Variants in C5orf24 observed in about 807,000 individuals in gnomAD.
C5orf24 encodes chromosome 5 open reading frame 24, also known as UPF0461 protein C5orf24.
A neutral mutation model predicts 9.8 loss-of-function variants in C5orf24; 4 were observed. That is an observed-to-expected ratio of 0.41 (90% CI 0.20 to 0.93). The LOEUF is 0.93. Ranked by LOEUF, C5orf24 falls within the 40% of genes least tolerant of loss-of-function variation. The pLI, the probability that C5orf24 is intolerant of heterozygous loss-of-function variation, is 0.33. For missense variants in C5orf24, 170 were observed against 236.9 expected, an observed-to-expected ratio of 0.72 and a Z score of 1.85; for synonymous variants, 73 against 81.3, an observed-to-expected ratio of 0.90 and a Z score of 0.55.
chr5:134,850,003 C>T (rs1431891746), intron 1 of C5orf24, among the ~76,000 whole-genome samples: 3 of 152,038 alleles, frequency 2.0e-5, no homozygotes, highest in Non-Finnish European at 4.4e-5. Context: ...TAGCTTTACT[C>T]TTGTCAATTT....
intron 1 of C5orf24, among the ~76,000 whole-genome samples, chr5:134,847,479 A>G (rs1756027608): frequency 6.6e-6 from 1 of 152,044 alleles, no homozygotes; most frequent in African/African-American, 2.4e-5. Context: ...TATTTTTAGT[A>G]AAGATGGTGT....
the C5orf24 span, among the ~76,000 whole-genome samples, chr5:134,838,995 G>A: frequency 6.6e-6 from 1 of 151,990 alleles, no homozygotes; most frequent in Non-Finnish European, 1.5e-5. Flanking sequence ...GATCACTTGA[G>A]CCCAGGACTT....
chr5:134,856,012 A>G lies in C5orf24; in HGVS notation c.*545A>G, dbSNP rs1580846289. ...TCAAATGTTAAAAAACTTATTTTTA[A>G]TGTTTTAGGTTTAAGCAGCTTGTAA... On this transcript the variant is annotated 3_prime_UTR_variant, in exon 2 of 2. Coordinates refer to ENST00000394976, the MANE Select transcript of C5orf24 (RefSeq NM_001135586.1). 1 of 1,002,990 alleles carries G rather than the reference A, an allele frequency of 1.0e-6. No homozygotes were observed. The highest frequency in any genetic ancestry group is 1.2e-6 in the Non-Finnish European group (1 of 832,126). The allele number at this position is 1,002,990 out of a possible 1,614,324, so 62.1% of individuals were successfully genotyped here. A position where few individuals can be genotyped will look rare whatever the true frequency, so the allele number is the denominator to read the frequency against.
chr5:134,836,234 G>C, the C5orf24 span, among the ~76,000 whole-genome samples: 1 of 146,588 alleles, frequency 6.8e-6, no homozygotes, highest in Non-Finnish European at 1.5e-5. Context: ...GTGTGCAATG[G>C]CGTGATCTCA....
chr5:134,850,056 T>C (rs975178108), intron 1 of C5orf24, among the ~76,000 whole-genome samples: 8 of 152,204 alleles, frequency 5.3e-5, no homozygotes, highest in African/African-American at 1.9e-4. Flanking sequence ...CCTCAATAAA[T>C]GTGAGTTATG....
intron 1 of C5orf24, among the ~76,000 whole-genome samples, chr5:134,854,546 TA>T (rs1756256626): frequency 6.6e-6 from 1 of 152,248 alleles, no homozygotes; most frequent in Admixed American, 6.5e-5. Flanking sequence ...TTGGCTTTAC[TA>T]TTATTCTTTT....
At position 134,857,224 on chromosome 5, in the gene C5orf24, T is replaced by C. The variant is rs1756338808; in HGVS notation, c.*1757T>C. The C allele has an allele frequency of 7.6e-7, 1 of 1,309,712 alleles. No individual in the cohort carries two copies. Among genetic ancestry groups the C allele is most frequent in the Non-Finnish European group, 9.8e-7 (1 of 1,019,708 alleles). The allele number at this position is 1,309,712 out of a possible 1,614,324, so 81.1% of individuals were successfully genotyped here. A position where few individuals can be genotyped will look rare whatever the true frequency, so the allele number is the denominator to read the frequency against. On this transcript the variant is annotated 3_prime_UTR_variant, in exon 2 of 2. Transcript: ENST00000394976. ...ATTTTAAATGCCTTTGAGATTAAAATGTAGAATTGCAGGACCCAAAAACTT... is the reference window on the plus strand; with the variant it reads ...ATTTTAAATGCCTTTGAGATTAAAACGTAGAATTGCAGGACCCAAAAACTT...
At chr5:134,849,702 G>T (rs1244525169) in intron 1 of C5orf24, among the ~76,000 whole-genome samples, 1 of 120,776 alleles carries the variant, frequency 8.3e-6, no homozygotes, top group Non-Finnish European at 1.6e-5. Context: ...CTGTTGCCCA[G>T]CCTGGAGTGC....
chr5:134,847,270 C>G (rs777464018), intron 1 of C5orf24, among the ~76,000 whole-genome samples: 16 of 152,158 alleles, frequency 1.1e-4, no homozygotes, highest in Non-Finnish European at 1.6e-4. Flanking sequence ...CCTGTACATT[C>G]AGGGAACTAT....
At chr5:134,846,474 A>T (rs1303750309) in intron 1 of C5orf24, 2 of 152,202 alleles carry the variant, frequency 1.3e-5, no homozygotes, top group Non-Finnish European at 2.9e-5. Context: ...TTCGCCTTTA[A>T]ATAAAAGCCT....
At chr5:134,845,080 G>T (rs971279318), upstream of C5orf24, among the ~76,000 whole-genome samples, 2 of 152,162 alleles carry the variant, frequency 1.3e-5, no homozygotes, top group Non-Finnish European at 2.9e-5. Flanking sequence ...CTGTTCACAT[G>T]GCTTATCTGT....
chr5:134,849,785 G>C (rs1323110522), intron 1 of C5orf24, among the ~76,000 whole-genome samples: 1 of 150,552 alleles, frequency 6.6e-6, no homozygotes, highest in Non-Finnish European at 1.5e-5. Flanking sequence ...AGCCTTCCGA[G>C]TAGCTGGGAT....
intron 1 of C5orf24, among the ~76,000 whole-genome samples, chr5:134,850,918 T>C (rs1235729885): frequency 7.1e-6 from 1 of 140,570 alleles, no homozygotes; most frequent in Non-Finnish European, 1.5e-5. Context: ...TTATGAATGT[T>C]CATATATATA....
chr5:134,843,691 G>A (rs1436395598), upstream of C5orf24, among the ~76,000 whole-genome samples: 1 of 152,128 alleles, frequency 6.6e-6, no homozygotes, highest in Admixed American at 6.6e-5. Flanking sequence ...CGAGTAACTG[G>A]GATTTAGCGA....
intron 1 of C5orf24, among the ~76,000 whole-genome samples, chr5:134,850,188 G>C (rs552270011): frequency 6.6e-6 from 1 of 151,968 alleles, no homozygotes; most frequent in Non-Finnish European, 1.5e-5. Context: ...TGCTCTTGTT[G>C]CCCAGGCTGG....
At chr5:134,839,167 A>G in the C5orf24 span, among the ~76,000 whole-genome samples, 4 of 151,162 alleles carry the variant, frequency 2.6e-5, no homozygotes, top group African/African-American at 9.7e-5. Context: ...ACACCACTGC[A>G]TTCCAGCCTG....
intron 1 of C5orf24, among the ~76,000 whole-genome samples, chr5:134,848,986 G>T (rs967385058): frequency 2.7e-5 from 4 of 150,750 alleles, no homozygotes; most frequent in African/African-American, 9.8e-5. Flanking sequence ...GGCTGGGCGC[G>T]GTGGCTCACG....
upstream of C5orf24, among the ~76,000 whole-genome samples, chr5:134,844,819 C>A (rs1379858675): frequency 6.6e-6 from 1 of 152,172 alleles, no homozygotes; most frequent in East Asian, 1.9e-4. Flanking sequence ...CTCACAGCAA[C>A]CTCCACCTCC....
chr5:134,851,455 AT>A (rs1051441278), intron 1 of C5orf24, among the ~76,000 whole-genome samples: 1 of 129,936 alleles, frequency 7.7e-6, no homozygotes, highest in Non-Finnish European at 1.6e-5. Flanking sequence ...CCCAGGGAAC[AT>A]TTGGCAATGT....
Sources: allele counts gnomAD v4.1 joint callset (sites outside exome capture counted in the v4.1 genomes callset), GRCh38; gene constraint gnomAD v4.1.1; transcripts MANE v1.5; gene names NCBI Gene and HGNC (gene_info 2026-07-23, HGNC 2026-07-21).